JAKMIP2: variants seen among roughly 807,000 people sequenced by gnomAD.
JAKMIP2 encodes the protein janus kinase and microtubule-interacting protein 2.
In JAKMIP2, 25 loss-of-function variants were observed where a neutral mutation model predicts 115.0. The ratio of observed to expected loss-of-function variants is 0.22; its 90% CI spans 0.16 to 0.30. The LOEUF is 0.30. JAKMIP2 is among the 10% of genes least tolerant of loss of function. The pLI, the probability that JAKMIP2 is intolerant of heterozygous loss-of-function variation, is 1.00. For synonymous variants in JAKMIP2, 334 were observed against 343.6 expected (o/e 0.97, Z 0.31); for missense variants, 642 against 957.6 (o/e 0.67, Z 4.35).
At chr5:147,774,354 T>G (rs1290024874) in intron 1 of JAKMIP2, among the ~76,000 whole-genome samples, 2 of 152,128 alleles carry the variant, frequency 1.3e-5, no homozygotes, top group African/African-American at 4.8e-5. Context: ...AACATCTAAG[T>G]CCTTCTCTCT....
chr5:147,598,352 A>G (rs2126571107), intron 21 of JAKMIP2, among the ~76,000 whole-genome samples: 1 of 152,250 alleles, frequency 6.6e-6, no homozygotes, highest in East Asian at 1.9e-4. Context: ...CAGCGTGCAG[A>G]TGGCTTACCA....
chr5:147,677,452 G>C (rs908310162), intron 1 of JAKMIP2, among the ~76,000 whole-genome samples: 1 of 152,104 alleles, frequency 6.6e-6, no homozygotes, highest in Non-Finnish European at 1.5e-5. Context: ...CAAAACTCTT[G>C]AGGGAGAGAA....
chr5:147,771,163 G>A (rs1377758995), intron 1 of JAKMIP2, among the ~76,000 whole-genome samples: 1 of 152,036 alleles, frequency 6.6e-6, no homozygotes. Context: ...TCATTAAAAG[G>A]GGAAAGTAGT....
At chr5:147,697,749 G>A (rs1752161529) in intron 1 of JAKMIP2, among the ~76,000 whole-genome samples, 2 of 152,216 alleles carry the variant, frequency 1.3e-5, no homozygotes, top group Admixed American at 1.3e-4. Flanking sequence ...GTCAAGAATT[G>A]AGGTTTGGGA....
intron 4 of JAKMIP2, among the ~76,000 whole-genome samples, chr5:147,649,395 T>C (rs1367385044): frequency 1.3e-5 from 2 of 152,184 alleles, no homozygotes; most frequent in Non-Finnish European, 2.9e-5. Flanking sequence ...TTCTAATCTT[T>C]AGACCAGCCA....
intron 1 of JAKMIP2, among the ~76,000 whole-genome samples, chr5:147,693,906 T>C (rs1751985407): frequency 6.6e-6 from 1 of 152,212 alleles, no homozygotes; most frequent in Non-Finnish European, 1.5e-5. Context: ...GCATATCTGC[T>C]GTGGTGGCCC....
chr5:147,598,038 G>A (rs895466921), intron 21 of JAKMIP2, among the ~76,000 whole-genome samples: 13 of 149,632 alleles, frequency 8.7e-5, no homozygotes, highest in Non-Finnish European at 1.3e-4. Flanking sequence ...TCATTTTGTC[G>A]CCCAGGCTGG....
chr5:147,653,621 A>G (rs1457275856), intron 3 of JAKMIP2, among the ~76,000 whole-genome samples: 1 of 152,162 alleles, frequency 6.6e-6, no homozygotes. Context: ...CACCTTTGTC[A>G]GAAGGGTAGA....
chr5:147,707,348 G>A (rs1204515574), intron 1 of JAKMIP2, among the ~76,000 whole-genome samples: 1 of 152,132 alleles, frequency 6.6e-6, no homozygotes, highest in East Asian at 1.9e-4. Context: ...TTAAAGTCCA[G>A]CTATTTTAGC....
chr5:147,636,226 T>A lies in JAKMIP2; in HGVS notation c.1673A>T (p.Glu558Val). The A allele has an allele frequency of 6.2e-7, 1 of 1,613,386 alleles. No individual in the cohort carries two copies. Among genetic ancestry groups the A allele is most frequent in the Non-Finnish European group, 8.5e-7 (1 of 1,179,330 alleles). ...LFIKRNQELL[E>V]KIEKQEAENH... Reference sequence around the variant, plus strand: ...AGGGTGTTGTGCCCAACATACCTTTTCTAAAAGCTCCTGGTTTCTCTTAAT... The same window carrying A: ...AGGGTGTTGTGCCCAACATACCTTTACTAAAAGCTCCTGGTTTCTCTTAAT... The change falls in exon 12 of 22, where the codon GAA (glutamate) becomes GTA (valine). Residue 558 changes from glutamate to valine, a missense_variant. By Grantham distance (121) the Glu-to-Val change is moderately radical. Coordinates refer to ENST00000616793, the MANE Select transcript of JAKMIP2 (RefSeq NM_001270941.2).
intron 1 of JAKMIP2, among the ~76,000 whole-genome samples, chr5:147,709,194 C>T (rs1752686746): frequency 6.6e-6 from 1 of 152,128 alleles, no homozygotes; most frequent in Non-Finnish European, 1.5e-5. Context: ...TATTTTATAA[C>T]TGTATTATGA....
At chr5:147,594,138 G>T (rs1755233729) in intron 21 of JAKMIP2, among the ~76,000 whole-genome samples, 1 of 152,138 alleles carries the variant, frequency 6.6e-6, no homozygotes, top group Non-Finnish European at 1.5e-5. Context: ...GAATTGAGAA[G>T]TACTTGTAAA....
At chr5:147,710,034 C>T (rs1372894146) in intron 1 of JAKMIP2, among the ~76,000 whole-genome samples, 1 of 152,118 alleles carries the variant, frequency 6.6e-6, no homozygotes, top group Admixed American at 6.5e-5. Flanking sequence ...TGAAATTCTT[C>T]AATGCCTAAT....
intron 1 of JAKMIP2, among the ~76,000 whole-genome samples, chr5:147,705,870 A>G (rs915846672): frequency 1.3e-5 from 2 of 152,194 alleles, no homozygotes; most frequent in Non-Finnish European, 2.9e-5. Flanking sequence ...GACTGTTTTG[A>G]TGTGGATGTG....
rs1184541980 is a variant in JAKMIP2 at position 147,588,877 on chromosome 5, A to C, written c.*2830T>G. 6.6e-6 allele frequency: 1 copy of C among 152,132 alleles called. No homozygotes were observed. Among genetic ancestry groups the C allele is most frequent in the African/African-American group, 2.4e-5 (1 of 41,424 alleles). The allele number at this position is 152,132 out of a possible 1,614,324, so 9.4% of individuals were successfully genotyped here. ...TACTCATGGAAATAAATTTTGACTT[A>C]CAAATTTCTTGGTGGGTGGGAAAGC... is the stretch of plus-strand genomic sequence containing the variant. On this transcript the variant is annotated 3_prime_UTR_variant, in exon 22 of 22. Transcript: ENST00000616793.
intron 1 of JAKMIP2, among the ~76,000 whole-genome samples, chr5:147,770,297 C>T (rs1755303375): frequency 6.6e-6 from 1 of 152,060 alleles, no homozygotes; most frequent in African/African-American, 2.4e-5. Flanking sequence ...TCTACAGTGA[C>T]TCCAAAGGAC....
rs193073391 is a variant in JAKMIP2, at chr5:147,588,522, G to A, written c.*3185C>T. On this transcript the variant is annotated 3_prime_UTR_variant, in exon 22 of 22. Coordinates refer to ENST00000616793, the MANE Select transcript of JAKMIP2 (RefSeq NM_001270941.2). ...GACTGGAACACATATCCACAATTTT[G>A]CTGATGCTTTTATAATTGTGAAAAT... is the stretch of plus-strand genomic sequence containing the variant. The A allele has an allele frequency of 1.3e-5, 2 of 148,932 alleles. No individual in the cohort carries two copies. Among genetic ancestry groups the A allele is most frequent in the Non-Finnish European group, 3.0e-5 (2 of 67,692 alleles). 9.2% of individuals were successfully genotyped at this position (148,932 alleles called of 1,614,324 possible).
At position 147,599,452 on chromosome 5, in the gene JAKMIP2, A is replaced by G. The variant is rs535231056; in HGVS notation, c.*20+2289T>C. On this transcript the variant is annotated intron_variant, in intron 21 of 21. Transcript: ENST00000616793. Reference sequence around the variant, plus strand: ...ATTTTACTGCATATGCAATATATTTATTGCCCAGATTCACTGTCACATTCA... The same window carrying G: ...ATTTTACTGCATATGCAATATATTTGTTGCCCAGATTCACTGTCACATTCA... Among the ~76,000 whole-genome samples the G allele has an allele frequency of 1.5e-4, 23 of 152,316 alleles. No individual in the cohort carries two copies. The South Asian group carries it at 2.3e-3, about 15-fold the overall frequency.
chr5:147,688,741 G>A (rs563203304), intron 1 of JAKMIP2, among the ~76,000 whole-genome samples: 10 of 152,108 alleles, frequency 6.6e-5, no homozygotes, highest in Non-Finnish European at 1.2e-4. Context: ...GAATAAGGCC[G>A]GTAAAGCGTT....
Sources: allele counts gnomAD v4.1 joint callset (sites outside exome capture counted in the v4.1 genomes callset), GRCh38; gene constraint gnomAD v4.1.1; transcripts MANE v1.5; gene names NCBI Gene and HGNC (gene_info 2026-07-23, HGNC 2026-07-21).